Variants in NBAS observed in about 807,000 individuals in gnomAD.
NBAS encodes NBAS subunit of NRZ tethering complex.
In NBAS, 219 loss-of-function variants were observed where a neutral mutation model predicts 302.5. The observed-to-expected ratio is 0.72, with a 90% CI of 0.65 to 0.81. NBAS has a LOEUF of 0.81. NBAS is among the 30% of genes least tolerant of loss of function. The pLI is 0.00. For missense variants in NBAS, 2,932 were observed against 2,841.6 expected (o/e 1.03, Z -0.72); for synonymous variants, 1,118 against 1,021.6 (o/e 1.09, Z -1.80).
the NBAS span, among the ~76,000 whole-genome samples, chr2:14,924,748 G>A: frequency 6.6e-6 from 1 of 151,986 alleles, no homozygotes; most frequent in African/African-American, 2.4e-5. Context: ...AAAAGTTGCT[G>A]AAGACCTCAC....
the NBAS span, among the ~76,000 whole-genome samples, chr2:14,837,461 G>T: frequency 3.3e-5 from 5 of 151,528 alleles, no homozygotes; most frequent in Non-Finnish European, 7.4e-5. Flanking sequence ...AGAGAATGCT[G>T]TTTCTCCTTT....
chr2:15,449,581 G>A (rs1012981726), intron 21 of NBAS, among the ~76,000 whole-genome samples: 3 of 110,522 alleles, frequency 2.7e-5, no homozygotes, highest in Admixed American at 1.9e-4. Context: ...CAGAGAACTC[G>A]CCCTGAACCC....
intron 16 of NBAS, among the ~76,000 whole-genome samples, chr2:15,471,598 A>T (rs1679958101): frequency 6.6e-6 from 1 of 152,186 alleles, no homozygotes; most frequent in Non-Finnish European, 1.5e-5. Context: ...AAGATGCCAA[A>T]GGTTAAAACA....
At chr2:14,993,937 TC>T in the NBAS span, among the ~76,000 whole-genome samples, 1 of 152,138 alleles carries the variant, frequency 6.6e-6, no homozygotes, top group Admixed American at 6.5e-5. Context: ...CAGAGACATG[TC>T]CCCAGTCCGG....
At chr2:15,054,302 G>A in the NBAS span, among the ~76,000 whole-genome samples, 1 of 152,200 alleles carries the variant, frequency 6.6e-6, no homozygotes, top group Non-Finnish European at 1.5e-5. Flanking sequence ...AGTCAATGCT[G>A]AGGCCACATC....
In NBAS at chr2:15,231,496, C is replaced by T. The variant is rs146475619; in HGVS notation, c.6236+926G>A. 2.8e-3 allele frequency among the ~76,000 whole-genome samples: 424 copies of T among 152,266 alleles called. 2 individuals carry two copies. The East Asian group carries it at 0.037, about 13-fold the overall frequency. On this transcript the variant is annotated intron_variant, in intron 47 of 51. Coordinates refer to ENST00000281513, the MANE Select transcript of NBAS (RefSeq NM_015909.4). ...TGTATGACTCTGGGCAAGTCAACTC[C>T]TCTCTCTGAGCTTTTAGGTCCTCCT...
chr2:15,216,684 T>C (rs1305051165), intron 48 of NBAS, among the ~76,000 whole-genome samples: 1 of 152,178 alleles, frequency 6.6e-6, no homozygotes, highest in Non-Finnish European at 1.5e-5. Flanking sequence ...GAAATAGCAA[T>C]GATACTTATT....
chr2:14,863,975 C>T, the NBAS span, among the ~76,000 whole-genome samples: 6 of 152,168 alleles, frequency 3.9e-5, no homozygotes, highest in South Asian at 1.2e-3. Context: ...CTACAAATGG[C>T]AAGATTAACA....
At chr2:15,407,224 G>C (rs1676458374) in intron 25 of NBAS, among the ~76,000 whole-genome samples, 1 of 152,166 alleles carries the variant, frequency 6.6e-6, no homozygotes, top group Non-Finnish European at 1.5e-5. Context: ...CTACCATTTT[G>C]AATAGCATAG....
the NBAS span, among the ~76,000 whole-genome samples, chr2:14,861,016 A>G: frequency 1.3e-5 from 2 of 152,194 alleles, no homozygotes; most frequent in Non-Finnish European, 2.9e-5. Flanking sequence ...AATTTCAAAA[A>G]ATTTAAAAGG....
chr2:15,186,764 G>C lies in NBAS; in HGVS notation c.6689C>G (p.Thr2230Ser). 1 of 1,613,704 alleles carries C rather than the reference G, an allele frequency of 6.2e-7. No homozygotes were observed. Among genetic ancestry groups the C allele is most frequent in the Non-Finnish European group, 8.5e-7 (1 of 1,179,938 alleles). Residue 2230 changes from threonine to serine, a missense_variant, in exon 50 of 52, where the codon ACC becomes AGC. Transcript: ENST00000281513. ...CACCTCTGCAGGCAGCATCTGCTTG[G>C]TGTTATACAAAGAGCGACACATTTT... ...VLKMCRSLYNTKQMLPAEGVK... is the reference protein window; with the variant it reads ...VLKMCRSLYNSKQMLPAEGVK...
the NBAS span, among the ~76,000 whole-genome samples, chr2:15,137,765 A>AG: frequency 6.6e-6 from 1 of 152,140 alleles, no homozygotes; most frequent in Admixed American, 6.6e-5. Flanking sequence ...AACTTTGAAA[A>AG]GGGGGGTTGG....
intron 6 of NBAS, among the ~76,000 whole-genome samples, chr2:15,540,137 T>A (rs1663732384): frequency 6.6e-6 from 1 of 152,176 alleles, no homozygotes; most frequent in South Asian, 2.1e-4. Flanking sequence ...CTTATTGGAA[T>A]CTCAGAACTG....
chr2:15,338,674 T>TACACACACACACACACACACACACAC (rs70961409), intron 35 of NBAS, among the ~76,000 whole-genome samples: 13 of 134,820 alleles, frequency 9.6e-5, no homozygotes, highest in South Asian at 2.5e-4. Context: ...AACACACACA[T>TACACACACACACACACACACACACAC]ACACACACAC....
At chr2:15,444,591 T>C (rs375945596) in intron 21 of NBAS, among the ~76,000 whole-genome samples, 1,769 of 151,950 alleles carry the variant, frequency 0.012, 29 homozygotes, top group East Asian at 0.055. Flanking sequence ...GACATAGGCA[T>C]GGGCAAGGAT....
At chr2:14,792,406 T>C in the NBAS span, among the ~76,000 whole-genome samples, 1 of 152,152 alleles carries the variant, frequency 6.6e-6, no homozygotes, top group East Asian at 1.9e-4. Flanking sequence ...TATTGAGTAT[T>C]CGTGGTGTAT....
chr2:15,304,443 G>C (rs974542801), intron 40 of NBAS, among the ~76,000 whole-genome samples: 2 of 152,188 alleles, frequency 1.3e-5, no homozygotes, highest in Admixed American at 1.3e-4. Flanking sequence ...AATTAATACT[G>C]CAGAAAGTGG....
At chr2:14,939,225 C>T in the NBAS span, among the ~76,000 whole-genome samples, 1 of 152,372 alleles carries the variant, frequency 6.6e-6, no homozygotes, top group South Asian at 2.1e-4. Context: ...TAGACCATGA[C>T]AGTTGAGTTT....
chr2:14,871,602 T>C, the NBAS span, among the ~76,000 whole-genome samples: 1 of 152,192 alleles, frequency 6.6e-6, no homozygotes, highest in Non-Finnish European at 1.5e-5. Flanking sequence ...ATTGAAGGTT[T>C]ATAACATGTG....
Sources: allele counts gnomAD v4.1 joint callset (sites outside exome capture counted in the v4.1 genomes callset), GRCh38; gene constraint gnomAD v4.1.1; transcripts MANE v1.5; gene names NCBI Gene and HGNC (gene_info 2026-07-23, HGNC 2026-07-21).